Variants in MDGA2 observed in about 807,000 individuals in gnomAD.
MDGA2 encodes MAM domain containing glycosylphosphatidylinositol anchor 2, also known as MAM domain-containing glycosylphosphatidylinositol anchor protein 2.
A neutral mutation model predicts 117.8 loss-of-function variants in MDGA2; 40 were observed. The observed-to-expected ratio is 0.34, with a 90% CI of 0.26 to 0.44. MDGA2 has a LOEUF of 0.44. Ranked by LOEUF, MDGA2 falls within the 20% of genes least tolerant of loss-of-function variation. The pLI, the probability that MDGA2 is intolerant of heterozygous loss-of-function variation, is 1.00. For synonymous variants in MDGA2, 452 were observed against 439.0 expected (o/e 1.03, Z -0.37); for missense variants, 1,123 against 1,250.6 (o/e 0.90, Z 1.54).
chr14:46,975,046 C>T (rs950419279), intron 8 of MDGA2, among the ~76,000 whole-genome samples: 1 of 151,952 alleles, frequency 6.6e-6, no homozygotes, highest in Non-Finnish European at 1.5e-5. Flanking sequence ...AGAACTTGAA[C>T]AGATATTTCT....
intron 3 of MDGA2, among the ~76,000 whole-genome samples, chr14:47,164,442 G>A (rs1256733482): frequency 6.6e-6 from 1 of 152,098 alleles, no homozygotes; most frequent in Non-Finnish European, 1.5e-5. Context: ...GTGGGCAAAG[G>A]ATATGAACAG....
intron 14 of MDGA2, among the ~76,000 whole-genome samples, chr14:46,872,498 T>C (rs779001007): frequency 5.9e-5 from 9 of 151,938 alleles, no homozygotes; most frequent in Non-Finnish European, 1.2e-4. Flanking sequence ...TGGGGTTAGA[T>C]ATACTTCATT....
rs192206103 is a variant in MDGA2, at chr14:46,973,596, T to C, written c.1820-15953A>G. Among the ~76,000 whole-genome samples, 14 of 152,126 alleles carry C rather than the reference T, an allele frequency of 9.2e-5. No homozygotes were observed. In the East Asian group the frequency reaches 2.7e-3, roughly 29 times the overall value. Reference sequence around the variant, plus strand: ...TTGAAATAAAAAAAATGAATGGAGATTTAGAATATATGCATTTAAAAATGT... The same window carrying C: ...TTGAAATAAAAAAAATGAATGGAGACTTAGAATATATGCATTTAAAAATGT... On this transcript the variant is annotated intron_variant, in intron 8 of 16. Coordinates refer to ENST00000399232, the MANE Select transcript of MDGA2 (RefSeq NM_001113498.3).
chr14:47,022,094 A>AT (rs1303981285), intron 8 of MDGA2, among the ~76,000 whole-genome samples: 4 of 152,062 alleles, frequency 2.6e-5, no homozygotes, highest in Non-Finnish European at 5.9e-5. Flanking sequence ...TCTAAAATAT[A>AT]TTTTTTTCGA....
chr14:47,194,074 T>C (rs576308058), intron 3 of MDGA2, among the ~76,000 whole-genome samples: 3 of 152,332 alleles, frequency 2.0e-5, no homozygotes, highest in African/African-American at 7.2e-5. Context: ...GTATTTCCCA[T>C]AATTATATTT....
chr14:46,864,345 G>C (rs1881637514), intron 14 of MDGA2, among the ~76,000 whole-genome samples: 1 of 150,050 alleles, frequency 6.7e-6, no homozygotes, highest in Non-Finnish European at 1.5e-5. Context: ...GTGATGCTTA[G>C]TCAATCTAAT....
chr14:46,866,486 G>C (rs980281564), intron 14 of MDGA2, among the ~76,000 whole-genome samples: 2 of 152,098 alleles, frequency 1.3e-5, no homozygotes, highest in African/African-American at 4.8e-5. Flanking sequence ...GCTGGGCAAG[G>C]ACTTCATGTC....
chr14:47,337,193 T>C (rs549067531), intron 1 of MDGA2, among the ~76,000 whole-genome samples: 25 of 152,220 alleles, frequency 1.6e-4, no homozygotes, highest in African/African-American at 4.6e-4. Flanking sequence ...CAGTTTCTCA[T>C]AGAAATTACC....
intron 2 of MDGA2, among the ~76,000 whole-genome samples, chr14:47,229,024 A>C (rs2139562730): frequency 6.6e-6 from 1 of 152,278 alleles, no homozygotes; most frequent in African/African-American, 2.4e-5. Context: ...AAATAGACAT[A>C]GTGAGCCACT....
At chr14:47,619,343 T>C (rs910638939) in intron 1 of MDGA2, among the ~76,000 whole-genome samples, 2 of 152,218 alleles carry the variant, frequency 1.3e-5, no homozygotes, top group Admixed American at 1.3e-4. Flanking sequence ...AGCTGCGTCA[T>C]CATCACAATG....
At chr14:47,146,216 A>G (rs1257775809) in intron 3 of MDGA2, among the ~76,000 whole-genome samples, 1 of 152,186 alleles carries the variant, frequency 6.6e-6, no homozygotes, top group East Asian at 1.9e-4. Context: ...ATTTTTTAAA[A>G]AGTTTTTTTT....
chr14:47,037,873 A>C (rs1207571236), intron 7 of MDGA2, among the ~76,000 whole-genome samples: 1 of 152,194 alleles, frequency 6.6e-6, no homozygotes, highest in Non-Finnish European at 1.5e-5. Flanking sequence ...ATCTGTTCCA[A>C]AAACAAGCTA....
intron 8 of MDGA2, among the ~76,000 whole-genome samples, chr14:47,013,573 A>G (rs1022008017): frequency 6.6e-6 from 1 of 151,638 alleles, no homozygotes; most frequent in Admixed American, 6.6e-5. Flanking sequence ...AATGTTCTTA[A>G]TGACATCTAG....
chr14:46,928,400 G>A (rs901570393), intron 9 of MDGA2, among the ~76,000 whole-genome samples: 1 of 152,094 alleles, frequency 6.6e-6, no homozygotes, highest in Admixed American at 6.6e-5. Context: ...GTCTTGCCCA[G>A]TCATCTTTTT....
chr14:47,673,028 G>A (rs1390311170), intron 1 of MDGA2, among the ~76,000 whole-genome samples: 1 of 152,084 alleles, frequency 6.6e-6, no homozygotes, highest in East Asian at 1.9e-4. Context: ...GTTGGGAGAG[G>A]GGACATTCTG....
intron 1 of MDGA2, among the ~76,000 whole-genome samples, chr14:47,462,953 T>C (rs1457481735): frequency 1.3e-5 from 2 of 152,224 alleles, no homozygotes; most frequent in Non-Finnish European, 2.9e-5. Context: ...TATGTATCAT[T>C]GTGGCTTGCC....
intron 1 of MDGA2, among the ~76,000 whole-genome samples, chr14:47,478,950 C>A (rs972044518): frequency 6.6e-6 from 1 of 152,034 alleles, no homozygotes; most frequent in Admixed American, 6.6e-5. Flanking sequence ...TCAGATTTTG[C>A]AATAGTTCCA....
intron 15 of MDGA2, among the ~76,000 whole-genome samples, chr14:46,852,672 C>G (rs1881107629): frequency 6.6e-6 from 1 of 151,782 alleles, no homozygotes; most frequent in African/African-American, 2.4e-5. Context: ...GTGACTGTTC[C>G]CATCCACCAC....
At chr14:46,957,201 C>T (rs1056010003) in intron 9 of MDGA2, among the ~76,000 whole-genome samples, 173 bp downstream of exon 9, 7 of 152,122 alleles carry the variant, frequency 4.6e-5, no homozygotes, top group African/African-American at 1.4e-4. Context: ...ATTCTTTTAA[C>T]TATTAAAATA....
Sources: allele counts gnomAD v4.1 joint callset (sites outside exome capture counted in the v4.1 genomes callset), GRCh38; gene constraint gnomAD v4.1.1; transcripts MANE v1.5; gene names NCBI Gene and HGNC (gene_info 2026-07-23, HGNC 2026-07-21).